Variants in STK3 observed in about 807,000 individuals in gnomAD.
STK3 encodes serine/threonine kinase 3, also known as serine/threonine-protein kinase 3.
A neutral mutation model predicts 58.0 loss-of-function variants in STK3; 41 were observed. The observed-to-expected ratio is 0.71, with a 90% CI of 0.55 to 0.92. The LOEUF is 0.92. Among genes scored for constraint, STK3 ranks in the 40% least tolerant of loss-of-function variants. The pLI is 0.00. For missense variants in STK3, 479 were observed against 602.7 expected (o/e 0.79, Z 2.15); for synonymous variants, 170 against 191.0 (o/e 0.89, Z 0.91).
In STK3 at chr8:98,911,382, T is replaced by TTTA. The variant is rs1359629444; in HGVS notation, c.-78-27549_-78-27548insTAA. 7.8e-3 allele frequency among the ~76,000 whole-genome samples: 1,129 copies of TTTA among 145,526 alleles called. 19 individuals are homozygous for TTTA. Among genetic ancestry groups the TTTA allele is most frequent in the African/African-American group, 0.029 (1,066 of 37,398 alleles). On this transcript the variant is annotated intron_variant, in intron 1 of 1. Coordinates refer to the STK3 transcript ENST00000519420. ...ATGTATTACTCATATAAATATTGTATTGTATTTATTTATTTATTTATTTAT... is the reference window on the plus strand; with the variant it reads ...ATGTATTACTCATATAAATATTGTATTTATGTATTTATTTATTTATTTATTTAT...
chr8:98,692,733 T>C (rs1824504201), intron 6 of STK3, among the ~76,000 whole-genome samples: 1 of 152,076 alleles, frequency 6.6e-6, no homozygotes, highest in Non-Finnish European at 1.5e-5. Flanking sequence ...TTATGTTATA[T>C]ATTACTCATT....
At chr8:98,364,309 G>A in the STK3 span, among the ~76,000 whole-genome samples, 3 of 152,148 alleles carry the variant, frequency 2.0e-5, no homozygotes, top group Admixed American at 6.5e-5. Context: ...CTCAGCAGCC[G>A]TGGCTACCTA....
intron 3 of STK3, among the ~76,000 whole-genome samples, chr8:98,831,672 AG>A (rs1564046571): frequency 1.3e-5 from 2 of 152,240 alleles, no homozygotes; most frequent in Non-Finnish European, 2.9e-5. Context: ...TATATTGTGT[AG>A]GTTTTTATTT....
At chr8:98,599,720 C>T (rs1212537907) in intron 6 of STK3, among the ~76,000 whole-genome samples, 2 of 151,998 alleles carry the variant, frequency 1.3e-5, no homozygotes, top group Non-Finnish European at 2.9e-5. Context: ...GCCTGTAATC[C>T]CAACACTTTG....
chr8:98,748,427 G>A (rs1429990479), intron 4 of STK3, among the ~76,000 whole-genome samples: 3 of 151,530 alleles, frequency 2.0e-5, no homozygotes, highest in African/African-American at 7.3e-5. Flanking sequence ...TCTCTAACAG[G>A]GAAAAAAAAT....
In STK3 at chr8:98,825,611, G is replaced by T; in HGVS notation, c.-71C>A. 1 of 1,360,600 alleles carries T rather than the reference G, an allele frequency of 7.3e-7. No homozygotes were observed. The highest frequency in any genetic ancestry group is 3.6e-5 in the Admixed American group (1 of 27,470). The allele number at this position is 1,360,600 out of a possible 1,614,324, so 84.3% of individuals were successfully genotyped here. A position where few individuals can be genotyped will look rare whatever the true frequency, so the allele number is the denominator to read the frequency against. ...AAAGGAGGAAAGGAGCCGGGGCACC[G>T]GCCGGCCGAGCCTAGGGCACCACAG... On this transcript the variant is annotated 5_prime_UTR_variant, in exon 1 of 11. Transcript: ENST00000419617.
intron 7 of STK3, among the ~76,000 whole-genome samples, chr8:98,591,271 T>C (rs1260486274): frequency 1.3e-5 from 2 of 152,234 alleles, no homozygotes; most frequent in Non-Finnish European, 2.9e-5. Flanking sequence ...GTGTACTGTG[T>C]TGTCAGCATT....
At chr8:98,743,464 G>C (rs1244964595) in intron 4 of STK3, among the ~76,000 whole-genome samples, 3 of 152,120 alleles carry the variant, frequency 2.0e-5, no homozygotes, top group African/African-American at 7.2e-5. Flanking sequence ...TGACAAACCT[G>C]AGAAAAACAA....
chr8:98,360,743 C>T, the STK3 span, among the ~76,000 whole-genome samples: 9 of 152,182 alleles, frequency 5.9e-5, no homozygotes, highest in African/African-American at 2.2e-4. Flanking sequence ...AGGGCATCAT[C>T]TCTGTTTAAC....
chr8:98,918,406 T>C (rs1839424815), intron 1 of STK3, among the ~76,000 whole-genome samples: 1 of 152,222 alleles, frequency 6.6e-6, no homozygotes, highest in Non-Finnish European at 1.5e-5. Context: ...ACAAATATTC[T>C]TTCCTCTCTG....
intron 6 of STK3, among the ~76,000 whole-genome samples, chr8:98,665,761 T>C (rs1051682397): frequency 6.6e-6 from 1 of 150,406 alleles, no homozygotes; most frequent in Non-Finnish European, 1.5e-5. Flanking sequence ...TGGAGTGCAG[T>C]AGCGCGATCT....
chr8:98,491,049 A>C (rs972195317), intron 10 of STK3, among the ~76,000 whole-genome samples: 1 of 152,168 alleles, frequency 6.6e-6, no homozygotes, highest in African/African-American at 2.4e-5. Context: ...AAAGATAGCA[A>C]GATATATAAA....
At chr8:98,352,946 T>A in the STK3 span, among the ~76,000 whole-genome samples, 5 of 152,218 alleles carry the variant, frequency 3.3e-5, no homozygotes, top group African/African-American at 1.2e-4. Context: ...AATGATATAC[T>A]TTTTGCTAAG....
At chr8:98,505,369 C>G (rs1019028601) in intron 10 of STK3, among the ~76,000 whole-genome samples, 3 of 152,060 alleles carry the variant, frequency 2.0e-5, no homozygotes, top group African/African-American at 7.2e-5. Flanking sequence ...TTGTTATTAC[C>G]AACCTTCTGA....
chr8:98,726,694 T>C (rs1370397282), intron 4 of STK3, among the ~76,000 whole-genome samples: 4 of 152,044 alleles, frequency 2.6e-5, no homozygotes, highest in Non-Finnish European at 5.9e-5. Flanking sequence ...ACACCAGAAA[T>C]AACACCAGGA....
At chr8:98,554,683 C>T (rs1401832538) in intron 8 of STK3, among the ~76,000 whole-genome samples, 1 of 152,112 alleles carries the variant, frequency 6.6e-6, no homozygotes, top group East Asian at 1.9e-4. Flanking sequence ...GAGGGTGACA[C>T]ACAAATAGAA....
chr8:98,406,537 C>T (rs1444667763), intron 3 of STK3, among the ~76,000 whole-genome samples: 1 of 152,120 alleles, frequency 6.6e-6, no homozygotes, highest in African/African-American at 2.4e-5. Context: ...AGCACAGTAC[C>T]TGCCCATAGT....
At chr8:98,393,663 T>G (rs1018097853) in intron 3 of STK3, 1 of 151,950 alleles carries the variant, frequency 6.6e-6, no homozygotes, top group Non-Finnish European at 1.5e-5. Flanking sequence ...TTACCAGCTC[T>G]GGCTCCCTAG....
chr8:98,416,935 G>A (rs1359734424), intron 3 of STK3, among the ~76,000 whole-genome samples: 1 of 152,168 alleles, frequency 6.6e-6, no homozygotes, highest in East Asian at 1.9e-4. Flanking sequence ...GCTTTGTCCT[G>A]GGGGAATCCT....
Sources: gnomAD v4.1 joint callset for allele counts (sites outside exome capture counted in the v4.1 genomes callset) on GRCh38, gnomAD v4.1.1 for gene constraint, MANE v1.5 for transcripts, NCBI Gene and HGNC (gene_info 2026-07-23, HGNC 2026-07-21) for gene names.